The following CDC42BPB variants were observed in gnomAD, a reference collection of about 807,000 sequenced individuals.
CDC42BPB encodes the protein CDC42 binding protein kinase beta.
Under a neutral mutation model 214.9 loss-of-function variants are expected in CDC42BPB, and 37 were observed. The observed-to-expected ratio is 0.17, with a 90% CI of 0.13 to 0.23. CDC42BPB has a LOEUF of 0.23. Ranked by LOEUF, CDC42BPB falls within the 10% of genes least tolerant of loss-of-function variation. The probability of loss-of-function intolerance (pLI) is 1.00; values close to 1 mark genes in which losing one functional copy is unlikely to be tolerated. For missense variants in CDC42BPB, 1,694 were observed against 2,227.0 expected, an observed-to-expected ratio of 0.76 and a Z score of 4.82; for synonymous variants, 931 against 884.0, an observed-to-expected ratio of 1.05 and a Z score of -0.94.
chr14:103,032,189 A>G (rs1231169721), intron 1 of CDC42BPB, among the ~76,000 whole-genome samples: 2 of 151,952 alleles, frequency 1.3e-5, no homozygotes, highest in Middle Eastern at 3.2e-3. Flanking sequence ...AGAGTGACAG[A>G]TCCAACCTCT....
intron 8 of CDC42BPB, among the ~76,000 whole-genome samples, chr14:102,979,858 G>C (rs1318639405): frequency 6.6e-6 from 1 of 152,116 alleles, no homozygotes; most frequent in Admixed American, 6.6e-5. Context: ...GGCCCTGTCA[G>C]AGCCGACTGG....
intron 3 of CDC42BPB, among the ~76,000 whole-genome samples, chr14:103,007,543 C>A (rs1323523234): frequency 6.6e-6 from 1 of 152,142 alleles, no homozygotes. Flanking sequence ...GAAGGACTTC[C>A]CAAAATGAGG....
rs1893637599 is a variant in CDC42BPB at position 102,974,324 on chromosome 14, T to TCACACACACA, written c.1508-176_1508-175insTGTGTGTGTG. ...CACACACACACACACACACACAGTG[T>TCACACACACA]CATAGGCACAGCTACCTGCATGCCT... On this transcript the variant is annotated intron_variant, in intron 11 of 36. Coordinates refer to ENST00000361246, the MANE Select transcript of CDC42BPB (RefSeq NM_006035.4). 3 of 939,914 alleles carry TCACACACACA rather than the reference T, an allele frequency of 3.2e-6. No individual in the cohort carries two copies. In the Admixed American group the frequency reaches 2.4e-4, roughly 74 times the overall value. The allele number at this position is 939,914 out of a possible 1,614,324, so 58.2% of individuals were successfully genotyped here.
intron 1 of CDC42BPB, among the ~76,000 whole-genome samples, chr14:103,053,585 C>G (rs367882626): frequency 4.6e-5 from 7 of 150,922 alleles, no homozygotes; most frequent in African/African-American, 9.7e-5. Context: ...CACGGTGAAA[C>G]CCCGTCTCTA....
chr14:103,001,872 T>C lies in CDC42BPB; in HGVS notation c.447+2056A>G, dbSNP rs1261918533. 6.6e-6 allele frequency among the ~76,000 whole-genome samples: 1 copy of C among 152,130 alleles called. No individual in the cohort carries two copies. The highest frequency in any genetic ancestry group is 2.4e-5 in the African/African-American group (1 of 41,442). On this transcript the variant is annotated intron_variant, in intron 4 of 36. Coordinates refer to ENST00000361246, the MANE Select transcript of CDC42BPB (RefSeq NM_006035.4). The surrounding 1 kb of genome is among the most constrained non-coding windows in gnomAD (Gnocchi z 5.8). ...GAGGAGGAGCTTCCTACAGCAGCAC[T>C]GGGTCTGATCAACGGTCTCCTGGAG...
At chr14:103,038,132 C>G (rs1452688300) in intron 1 of CDC42BPB, among the ~76,000 whole-genome samples, 1 of 151,942 alleles carries the variant, frequency 6.6e-6, no homozygotes, top group East Asian at 1.9e-4. Flanking sequence ...GTCGAGAGAT[C>G]AAGACCATCC....
intron 5 of CDC42BPB, among the ~76,000 whole-genome samples, chr14:102,990,964 G>T (rs1027286572): frequency 1.3e-5 from 2 of 152,208 alleles, no homozygotes; most frequent in African/African-American, 4.8e-5. Flanking sequence ...GCCGGATGAC[G>T]ACTGGTCAGC....
At chr14:103,018,014 G>T (rs1566906523) in intron 1 of CDC42BPB, among the ~76,000 whole-genome samples, 1 of 152,214 alleles carries the variant, frequency 6.6e-6, no homozygotes, top group Non-Finnish European at 1.5e-5. Context: ...GACCCGTAGG[G>T]GGGTGGAGGA....
chr14:103,056,693 G>A (rs1376532342), intron 1 of CDC42BPB, among the ~76,000 whole-genome samples: 1 of 151,582 alleles, frequency 6.6e-6, no homozygotes, highest in Non-Finnish European at 1.5e-5. Context: ...GGTGGGAGTG[G>A]GAACGTAGGA....
intron 1 of CDC42BPB, among the ~76,000 whole-genome samples, chr14:103,032,305 C>T (rs1004951367): frequency 1.1e-4 from 17 of 152,144 alleles, no homozygotes; most frequent in Non-Finnish European, 2.4e-4. Context: ...TCACCAGCTC[C>T]TGACTGGAAT....
At chr14:103,008,865 A>C (rs8016439) in intron 2 of CDC42BPB, 13,995 of 158,692 alleles carry the variant, frequency 0.088, 1,562 homozygotes, top group African/African-American at 0.27. Flanking sequence ...ACCCATGAGC[A>C]CTGACAGTTA....
intron 6 of CDC42BPB, 77 bp from the exon 7 acceptor site, chr14:102,983,833 A>G: frequency 6.6e-7 from 1 of 1,514,234 alleles, no homozygotes; most frequent in South Asian, 1.2e-5. Context: ...TCTCTAAAAT[A>G]TAGCGGAGGC....
chr14:103,056,332 G>T (rs1888947249), intron 1 of CDC42BPB, among the ~76,000 whole-genome samples: 1 of 152,114 alleles, frequency 6.6e-6, no homozygotes, highest in African/African-American at 2.4e-5. Context: ...AAATTCCCTT[G>T]AAGGTGTTAC....
intron 19 of CDC42BPB, 89 bp downstream of exon 19, chr14:102,964,413 G>T: frequency 1.3e-6 from 2 of 1,482,258 alleles, no homozygotes; most frequent in Non-Finnish European, 1.8e-6. Flanking sequence ...TTTTCCAGGC[G>T]AGGAGCATCG....
intron 29 of CDC42BPB, 126 bp downstream of exon 29, chr14:102,945,536 C>G: frequency 1.3e-6 from 1 of 777,814 alleles, no homozygotes; most frequent in Non-Finnish European, 2.1e-6. Context: ...TCACGGCACG[C>G]TGGCCCCTCC....
chr14:102,973,721 T>C (rs540204197), intron 12 of CDC42BPB, among the ~76,000 whole-genome samples: 3 of 152,256 alleles, frequency 2.0e-5, no homozygotes, highest in African/African-American at 7.2e-5. Context: ...CTGCTTTCTC[T>C]GTGGGTCTGA....
At chr14:102,983,002 G>C (rs1223792092) in intron 7 of CDC42BPB, among the ~76,000 whole-genome samples, 2 of 152,158 alleles carry the variant, frequency 1.3e-5, no homozygotes, top group African/African-American at 4.8e-5. Flanking sequence ...GTGAGAAAGT[G>C]AACAGTTCGG....
chr14:102,986,139 G>A (rs1391083259), intron 6 of CDC42BPB, among the ~76,000 whole-genome samples: 2 of 152,160 alleles, frequency 1.3e-5, no homozygotes, highest in East Asian at 1.9e-4. Context: ...CTGCCCACCC[G>A]ACCAGCCTGG....
intron 1 of CDC42BPB, among the ~76,000 whole-genome samples, chr14:103,042,336 G>A (rs1888047798): frequency 6.6e-6 from 1 of 150,968 alleles, no homozygotes. Context: ...TTGAGACGGA[G>A]TCTCACTCTG....
Sources: gnomAD v4.1 joint callset for allele counts (sites outside exome capture counted in the v4.1 genomes callset) on GRCh38, gnomAD v4.1.1 for gene constraint, Gnocchi (gnomAD v3.1) non-coding constraint, MANE v1.5 for transcripts, NCBI Gene and HGNC (gene_info 2026-07-23, HGNC 2026-07-21) for gene names.